Variants in KMT2C observed in about 807,000 individuals in gnomAD.
KMT2C encodes the protein histone-lysine N-methyltransferase 2C.
A neutral mutation model predicts 507.9 loss-of-function variants in KMT2C; 88 were observed. That is an observed-to-expected ratio of 0.17 (90% CI 0.15 to 0.21). The LOEUF (loss-of-function observed/expected upper bound fraction) is 0.21, where lower values mean the gene tolerates loss of function less well. Ranked by LOEUF, KMT2C falls within the 10% of genes least tolerant of loss-of-function variation. The probability of loss-of-function intolerance (pLI) is 1.00; values close to 1 mark genes in which losing one functional copy is unlikely to be tolerated. For synonymous variants in KMT2C, 2,049 were observed against 2,080.8 expected (o/e 0.98, Z 0.42); for missense variants, 4,954 against 5,957.8 (o/e 0.83, Z 5.55).
chr7:152,211,770 C>T (rs2094460091), intron 23 of KMT2C, among the ~76,000 whole-genome samples: 1 of 152,196 alleles, frequency 6.6e-6, no homozygotes, highest in African/African-American at 2.4e-5. Context: ...CCGTATCGGC[C>T]AGGCACGGTG....
chr7:152,249,087 C>T (rs943317114), intron 13 of KMT2C, among the ~76,000 whole-genome samples: 15 of 152,130 alleles, frequency 9.9e-5, no homozygotes, highest in African/African-American at 3.6e-4. Flanking sequence ...ACCTGCCAAC[C>T]TACCCAAAAT....
intron 1 of KMT2C, among the ~76,000 whole-genome samples, chr7:152,392,659 C>T (rs1215509158): frequency 1.3e-5 from 2 of 152,094 alleles, no homozygotes; most frequent in African/African-American, 4.8e-5. Context: ...GTGTGAATGC[C>T]CTCCCCAGCA....
chr7:152,156,172 C>A (rs748109268), intron 45 of KMT2C, 33 bp downstream of exon 45: 6 of 1,610,242 alleles, frequency 3.7e-6, no homozygotes, highest in Non-Finnish European at 5.1e-6. Context: ...GCACATTTCT[C>A]CGAGGTGTGA....
chr7:152,307,199 A>AAG (rs2096623716), intron 6 of KMT2C, among the ~76,000 whole-genome samples: 1 of 20,702 alleles, frequency 4.8e-5, no homozygotes, highest in Non-Finnish European at 1.1e-4. Context: ...AAGAGGGAGG[A>AAG]AGGAAGGAAG....
chr7:152,237,319 A>G (rs1273455624), intron 15 of KMT2C, among the ~76,000 whole-genome samples: 3 of 152,128 alleles, frequency 2.0e-5, no homozygotes, highest in Non-Finnish European at 4.4e-5. Flanking sequence ...ACACATGAAC[A>G]AAAGGAACGG....
chr7:152,219,712 T>C (rs2094705748), intron 23 of KMT2C, among the ~76,000 whole-genome samples: 1 of 152,158 alleles, frequency 6.6e-6, no homozygotes, highest in Admixed American at 6.5e-5. Flanking sequence ...CTTTAACTCA[T>C]ATTGGATTTT....
At chr7:152,356,694 G>A (rs2097154419) in intron 2 of KMT2C, among the ~76,000 whole-genome samples, 1 of 151,706 alleles carries the variant, frequency 6.6e-6, no homozygotes, top group South Asian at 2.1e-4. Context: ...TTCAAGACCA[G>A]CCTGGCCAAT....
intron 23 of KMT2C, among the ~76,000 whole-genome samples, chr7:152,214,209 T>A (rs2094519401): frequency 6.6e-6 from 1 of 151,440 alleles, no homozygotes; most frequent in African/African-American, 2.4e-5. Context: ...ACAATGCCTC[T>A]GTTGGGCATA....
At chr7:152,214,123 T>C (rs1389048652) in intron 23 of KMT2C, among the ~76,000 whole-genome samples, 1 of 151,676 alleles carries the variant, frequency 6.6e-6, no homozygotes, top group Non-Finnish European at 1.5e-5. Flanking sequence ...TTGATAGGAA[T>C]GTAAATTAGT....
intron 23 of KMT2C, among the ~76,000 whole-genome samples, chr7:152,210,962 T>C (rs1052707554): frequency 3.3e-5 from 5 of 152,052 alleles, no homozygotes; most frequent in Admixed American, 1.3e-4. Flanking sequence ...ACAGAGGGAA[T>C]TGTTATCAAT....
chr7:152,264,840 TATA>T (rs946853880), intron 8 of KMT2C, among the ~76,000 whole-genome samples, 195 bp downstream of exon 8: 5 of 150,966 alleles, frequency 3.3e-5, no homozygotes, highest in African/African-American at 9.7e-5. Flanking sequence ...TATATTATAA[TATA>T]ATAACAAATT....
At chr7:152,139,149 G>A (rs761384215) in intron 57 of KMT2C, 37 bp downstream of exon 57, 1 of 1,602,362 alleles carries the variant, frequency 6.2e-7, no homozygotes, top group South Asian at 1.1e-5. Flanking sequence ...GGCCCCACAA[G>A]CAAAAGCACT....
At chr7:152,416,878 T>C (rs2097743442) in intron 1 of KMT2C, among the ~76,000 whole-genome samples, 1 of 148,752 alleles carries the variant, frequency 6.7e-6, no homozygotes. Flanking sequence ...TGGTAAACCT[T>C]GTCTCTACTA....
chr7:152,178,819 CT>C, intron 37 of KMT2C, among the ~76,000 whole-genome samples: 1 of 152,262 alleles, frequency 6.6e-6, no homozygotes, highest in South Asian at 2.1e-4. Flanking sequence ...AAAAGCATAT[CT>C]TAAAGAACTA....
In KMT2C at chr7:152,290,280, ATATATATATATATATTTTTTTTTTTTTTT is replaced by A. The variant is rs1276519393; in HGVS notation, c.850-16442_850-16414del. Among the ~76,000 whole-genome samples the A allele has an allele frequency of 5.1e-3, 162 of 31,932 alleles. 3 individuals carry two copies. Among genetic ancestry groups the A allele is most frequent in the African/African-American group, 0.02 (151 of 7,496 alleles). The allele number at this position is 31,932 out of a possible 152,430, so 20.9% of individuals were successfully genotyped here. A position where few individuals can be genotyped will look rare whatever the true frequency, so the allele number is the denominator to read the frequency against. On this transcript the variant is annotated intron_variant, in intron 6 of 58. Transcript: ENST00000262189. ...TGTGTATATATATATATATATATATATATATATATATATATTTTTTTTTTTTTTTTTTTTTTTTTTTTTTGTCTGAGATG... is the reference window on the plus strand; with the variant it reads ...TGTGTATATATATATATATATATATATTTTTTTTTTTTTTTGTCTGAGATG...
chr7:152,271,470 G>A (rs574457470), intron 7 of KMT2C, among the ~76,000 whole-genome samples: 1 of 151,976 alleles, frequency 6.6e-6, no homozygotes, highest in African/African-American at 2.4e-5. Context: ...TCAGGAGTTC[G>A]AGACGAATCT....
chr7:152,284,784 C>T (rs1217772861), intron 6 of KMT2C, among the ~76,000 whole-genome samples: 1 of 152,066 alleles, frequency 6.6e-6, no homozygotes, highest in Admixed American at 6.5e-5. Flanking sequence ...CAAAGATACA[C>T]AAATGGCAAA....
chr7:152,401,313 C>G (rs915018964), intron 1 of KMT2C, among the ~76,000 whole-genome samples: 2 of 152,066 alleles, frequency 1.3e-5, no homozygotes, highest in African/African-American at 2.4e-5. Flanking sequence ...CTCCCGCCCT[C>G]AGGTGATCAG....
chr7:152,419,687 T>C (rs183546797), intron 1 of KMT2C, among the ~76,000 whole-genome samples: 33 of 152,312 alleles, frequency 2.2e-4, no homozygotes, highest in East Asian at 1.7e-3. Flanking sequence ...TCCTCCCATA[T>C]TGGACTGTAG....
Sources: allele counts gnomAD v4.1 joint callset (sites outside exome capture counted in the v4.1 genomes callset), GRCh38; gene constraint gnomAD v4.1.1; transcripts MANE v1.5; gene names NCBI Gene and HGNC (gene_info 2026-07-23, HGNC 2026-07-21).